LCORL: variants seen among roughly 807,000 people sequenced by gnomAD.
LCORL encodes ligand-dependent nuclear receptor corepressor-like protein.
A neutral mutation model predicts 141.8 loss-of-function variants in LCORL; 41 were observed. The ratio of observed to expected loss-of-function variants is 0.29; its 90% CI spans 0.23 to 0.38. The LOEUF is 0.38. Among genes scored for constraint, LCORL ranks in the 10% least tolerant of loss-of-function variants. The probability of loss-of-function intolerance (pLI) is 1.00; values close to 1 mark genes in which losing one functional copy is unlikely to be tolerated. For missense variants in LCORL, 1,759 were observed against 2,035.0 expected, an observed-to-expected ratio of 0.86 and a Z score of 2.61; for synonymous variants, 618 against 694.1, an observed-to-expected ratio of 0.89 and a Z score of 1.72.
At chr4:17,929,948 TG>T (rs1655590543) in intron 4 of LCORL, among the ~76,000 whole-genome samples, 1 of 152,190 alleles carries the variant, frequency 6.6e-6, no homozygotes, top group Non-Finnish European at 1.5e-5. Context: ...GCAAATGATC[TG>T]AACAGACATT....
At chr4:17,927,689 G>A (rs1388903756) in intron 4 of LCORL, among the ~76,000 whole-genome samples, 1 of 152,154 alleles carries the variant, frequency 6.6e-6, no homozygotes, top group Non-Finnish European at 1.5e-5. Context: ...TGACTGGTCA[G>A]TGGAACTGTC....
intron 7 of LCORL, among the ~76,000 whole-genome samples, chr4:17,872,283 T>C (rs1437059311): frequency 6.6e-6 from 1 of 152,102 alleles, no homozygotes; most frequent in Non-Finnish European, 1.5e-5. Context: ...CTGGCAACTA[T>C]AGTGTTCCTA....
intron 7 of LCORL, among the ~76,000 whole-genome samples, chr4:17,861,646 T>G (rs1725026022): frequency 1.3e-5 from 2 of 152,190 alleles, no homozygotes; most frequent in Non-Finnish European, 2.9e-5. Flanking sequence ...AAAATGGGTC[T>G]TTCTTTTCTA....
chr4:17,909,166 A>C (rs1269992428), exon 5 of LCORL: 1 of 1,613,194 alleles, frequency 6.2e-7, no homozygotes, highest in South Asian at 1.1e-5. Context: ...TCCTGAAGGG[A>C]GTTTTCTGCT....
At chr4:17,907,204 A>G (rs1731777473) in intron 5 of LCORL, among the ~76,000 whole-genome samples, 1 of 152,206 alleles carries the variant, frequency 6.6e-6, no homozygotes, top group South Asian at 2.1e-4. Context: ...CAGCCATACA[A>G]GTATTTATAG....
At chr4:17,933,295 T>G (rs1044207795) in intron 4 of LCORL, among the ~76,000 whole-genome samples, 16 of 152,144 alleles carry the variant, frequency 1.1e-4, no homozygotes, top group African/African-American at 3.9e-4. Context: ...TTTTCTTCTT[T>G]GGGTCTCCAA....
exon 8 of LCORL, chr4:17,844,121 A>G (rs1432835399): frequency 6.6e-6 from 1 of 152,000 alleles, no homozygotes; most frequent in East Asian, 1.9e-4. Context: ...TATTTTTGGC[A>G]TAACAAAATA....
chr4:17,874,412 G>C (rs74822676), exon 7 of LCORL: 1 of 1,233,712 alleles, frequency 8.1e-7, no homozygotes, highest in Non-Finnish European at 1.0e-6. Flanking sequence ...AAGGGTTTCG[G>C]GCATTTGCTT....
At position 17,884,628 on chromosome 4, in the gene LCORL, A is replaced by G. The variant is rs1361439212; in HGVS notation, c.776+1440T>C. On this transcript the variant is annotated intron_variant, in intron 6 of 7. Coordinates refer to ENST00000635767, the Ensembl canonical transcript of LCORL. This position sits in a 1 kb window ranked among gnomAD's most constrained non-coding sequence, Gnocchi z 4.4. Reference sequence around the variant, plus strand: ...AGTAAAGTTTTTTGAGGTATGCCATAAAGTATGCCTGCTTTATTTATGTCC... The same window carrying G: ...AGTAAAGTTTTTTGAGGTATGCCATGAAGTATGCCTGCTTTATTTATGTCC... 6.5e-7 allele frequency: 1 copy of G among 1,548,232 alleles called. No individual in the cohort carries two copies.
At position 18,021,231 on chromosome 4, in the gene LCORL, C is replaced by G. The variant is rs1174459048; in HGVS notation, c.154+367G>C. On this transcript the variant is annotated intron_variant, in intron 1 of 7. Transcript: ENST00000635767. This position sits in a 1 kb window ranked among gnomAD's most constrained non-coding sequence, Gnocchi z 5.5. ...GGCTCTCCTCCGCCAGGGCGCCGAC[C>G]CACCGGGCCGCTTCCTCCGTCCTGT... 1.3e-5 allele frequency among the ~76,000 whole-genome samples: 2 copies of G among 152,124 alleles called. No individual in the cohort carries two copies. The highest frequency in any genetic ancestry group is 2.9e-5 in the Non-Finnish European group (2 of 67,998).
chr4:17,956,137 T>C (rs1044092694), intron 4 of LCORL, among the ~76,000 whole-genome samples: 1 of 152,078 alleles, frequency 6.6e-6, no homozygotes, highest in African/African-American at 2.4e-5. Flanking sequence ...TTAGACTGGG[T>C]ATTATAAAAA....
intron 5 of LCORL, among the ~76,000 whole-genome samples, chr4:17,894,496 TAAC>T (rs1373833604): frequency 3.3e-5 from 5 of 152,164 alleles, no homozygotes; most frequent in Non-Finnish European, 4.4e-5. Context: ...TTGATAACAA[TAAC>T]AACGCTAAAA....
At chr4:17,988,611 T>C (rs974034744) in intron 1 of LCORL, among the ~76,000 whole-genome samples, 21 of 144,922 alleles carry the variant, frequency 1.4e-4, no homozygotes, top group Non-Finnish European at 2.5e-4. Flanking sequence ...TATCATTTCT[T>C]TAATAAAGGT....
At position 17,877,054 on chromosome 4, in the gene LCORL, AT is replaced by A. The variant is rs1726999207; in HGVS notation, c.1935del (p.Lys645AsnfsTer10). 1 of 1,230,406 alleles carries A rather than the reference AT, an allele frequency of 8.1e-7. No homozygotes were observed. Among genetic ancestry groups the A allele is most frequent in the Non-Finnish European group, 1.0e-6 (1 of 986,856 alleles). 76.2% of individuals were successfully genotyped at this position (1,230,406 alleles called of 1,614,324 possible). A position where few individuals can be genotyped will look rare whatever the true frequency, so the allele number is the denominator to read the frequency against. ...AATTTCCTTGAACTTTTTTCGGTGT[AT>A]TTTTTTCTTGTAAAATTTTCATCAA... On this transcript the variant is annotated frameshift_variant, in exon 7 of 8. Coordinates refer to ENST00000635767, the Ensembl canonical transcript of LCORL. LOFTEE classifies it high-confidence loss of function.
At chr4:18,011,933 C>T (rs990938739) in intron 1 of LCORL, among the ~76,000 whole-genome samples, 1 of 152,214 alleles carries the variant, frequency 6.6e-6, no homozygotes, top group South Asian at 2.1e-4. Context: ...CTTTCCATTA[C>T]ATTACACCAA....
At chr4:17,873,538 A>C (rs1726596026) in exon 7 of LCORL, 1 of 1,233,876 alleles carries the variant, frequency 8.1e-7, no homozygotes, top group African/African-American at 1.6e-5. Flanking sequence ...TTCTTGTCAA[A>C]GTTAACACAT....
At chr4:17,960,912 AC>A (rs1713648410) in intron 4 of LCORL, among the ~76,000 whole-genome samples, 1 of 151,180 alleles carries the variant, frequency 6.6e-6, no homozygotes, top group African/African-American at 2.4e-5. Context: ...TTATATTAAG[AC>A]TCTTCTAATA....
At chr4:17,996,552 A>T (rs1023237641) in intron 1 of LCORL, among the ~76,000 whole-genome samples, 15 of 152,048 alleles carry the variant, frequency 9.9e-5, no homozygotes, top group Non-Finnish European at 1.5e-5. Flanking sequence ...GGATGGAAGA[A>T]AGGGAAATGG....
chr4:18,001,282 G>A (rs1011871352), intron 1 of LCORL, among the ~76,000 whole-genome samples: 2 of 145,246 alleles, frequency 1.4e-5, no homozygotes, highest in Non-Finnish European at 3.0e-5. Context: ...CATATACCTG[G>A]CATAAGTATT....
Sources: gnomAD v4.1 joint callset for allele counts (sites outside exome capture counted in the v4.1 genomes callset) on GRCh38, gnomAD v4.1.1 for gene constraint, Gnocchi (gnomAD v3.1) non-coding constraint, MANE v1.5 for transcripts, NCBI Gene and HGNC (gene_info 2026-07-23, HGNC 2026-07-21) for gene names.